XKR9: variants seen among roughly 807,000 people sequenced by gnomAD.
The protein encoded by XKR9 is XK related 9.
XKR9 carries 32 observed loss-of-function variants against 32.0 expected under a neutral mutation model. That is an observed-to-expected ratio of 1.00 (90% confidence interval 0.76 to 1.34). The LOEUF (loss-of-function observed/expected upper bound fraction) is 1.34. XKR9 is among the 40% of genes most tolerant of loss of function. The probability of loss-of-function intolerance (pLI) is 0.00; values close to 1 mark genes in which losing one functional copy is unlikely to be tolerated. For missense variants in XKR9, 546 were observed against 429.7 expected, an observed-to-expected ratio of 1.27 and a Z score of -2.39; for synonymous variants, 168 against 143.4, an observed-to-expected ratio of 1.17 and a Z score of -1.22.
At chr8:70,947,206 A>C in the XKR9 span, among the ~76,000 whole-genome samples, 1 of 152,242 alleles carries the variant, frequency 6.6e-6, no homozygotes, top group Admixed American at 6.5e-5. Flanking sequence ...TCCTGCCTAG[A>C]TGAATAAGGA....
intron 2 of XKR9, among the ~76,000 whole-genome samples, chr8:70,767,643 C>G (rs1807397360): frequency 6.6e-6 from 1 of 151,556 alleles, no homozygotes; most frequent in African/African-American, 2.4e-5. Flanking sequence ...ACTACAGGTG[C>G]CCGCCACCAT....
the XKR9 span, among the ~76,000 whole-genome samples, chr8:71,039,366 C>A: frequency 6.6e-6 from 1 of 152,178 alleles, no homozygotes; most frequent in African/African-American, 2.4e-5. Context: ...ATGCTGAGAA[C>A]ACTTACAGTT....
At chr8:70,778,150 A>C (rs531811994) in intron 2 of XKR9, among the ~76,000 whole-genome samples, 37 of 152,210 alleles carry the variant, frequency 2.4e-4, no homozygotes, top group African/African-American at 7.2e-4. Context: ...AGGAAGGGAT[A>C]CAGTTTCAGC....
chr8:71,050,819 T>A, the XKR9 span, among the ~76,000 whole-genome samples: 1 of 152,190 alleles, frequency 6.6e-6, no homozygotes, highest in East Asian at 1.9e-4. Flanking sequence ...AATTTCATCA[T>A]CCTTTGTGCT....
At chr8:71,004,569 C>G in the XKR9 span, among the ~76,000 whole-genome samples, 2 of 152,190 alleles carry the variant, frequency 1.3e-5, no homozygotes, top group Non-Finnish European at 2.9e-5. Flanking sequence ...GAAACAAGTG[C>G]AAGAGTATGG....
At chr8:70,688,715 CTT>C (rs11450447) in intron 3 of XKR9, among the ~76,000 whole-genome samples, 5 of 144,788 alleles carry the variant, frequency 3.5e-5, no homozygotes, top group Admixed American at 6.9e-5. Context: ...TGTGCCTGTC[CTT>C]TTTTTTTTTT....
chr8:70,714,645 T>C (rs1210067090), intron 4 of XKR9, among the ~76,000 whole-genome samples: 2 of 152,136 alleles, frequency 1.3e-5, no homozygotes, highest in African/African-American at 2.4e-5. Context: ...TCTATCAATT[T>C]CTTTAATAAT....
At chr8:70,774,632 A>G (rs913651463) in intron 2 of XKR9, among the ~76,000 whole-genome samples, 1 of 152,084 alleles carries the variant, frequency 6.6e-6, no homozygotes, top group Non-Finnish European at 1.5e-5. Context: ...ATGGATTTCC[A>G]GTTGTTCCAG....
intron 1 of XKR9, among the ~76,000 whole-genome samples, chr8:70,672,012 G>A (rs1387772571): frequency 1.8e-5 from 1 of 56,550 alleles, no homozygotes; most frequent in African/African-American, 5.1e-5. Flanking sequence ...CAACTTACAA[G>A]GGATGTGAAG....
the XKR9 span, among the ~76,000 whole-genome samples, chr8:70,910,262 T>C: frequency 4.6e-5 from 7 of 152,116 alleles, no homozygotes; most frequent in African/African-American, 1.7e-4. Context: ...CCCAGCTGCC[T>C]CTCTAGTATG....
At chr8:70,703,595 A>G (rs898763980) in intron 3 of XKR9, among the ~76,000 whole-genome samples, 21 of 152,142 alleles carry the variant, frequency 1.4e-4, no homozygotes, top group African/African-American at 5.1e-4. Context: ...AATAGGTTTC[A>G]ACGTATGAAT....
the XKR9 span, among the ~76,000 whole-genome samples, chr8:70,946,730 T>G: frequency 2.0e-5 from 3 of 152,236 alleles, no homozygotes; most frequent in African/African-American, 7.2e-5. Context: ...TGCCTATGAA[T>G]GTCTTCTGCT....
intron 2 of XKR9, among the ~76,000 whole-genome samples, chr8:70,748,578 G>A (rs946108221): frequency 6.6e-6 from 1 of 152,226 alleles, no homozygotes; most frequent in South Asian, 2.1e-4. Context: ...GGGTGGCTCT[G>A]TGCAGGTCTG....
chr8:70,818,196 A>AT, the XKR9 span, among the ~76,000 whole-genome samples: 266 of 147,666 alleles, frequency 1.8e-3, 2 homozygotes, highest in African/African-American at 4.2e-3. Flanking sequence ...TTGTTTATTT[A>AT]TTTTTTTTTT....
chr8:70,773,083 T>C (rs1300465704), intron 2 of XKR9, among the ~76,000 whole-genome samples: 2 of 152,214 alleles, frequency 1.3e-5, no homozygotes, highest in African/African-American at 4.8e-5. Flanking sequence ...GTAGCACAAG[T>C]CTTGTCACTT....
the XKR9 span, among the ~76,000 whole-genome samples, chr8:70,802,363 A>G: frequency 2.6e-5 from 4 of 152,150 alleles, no homozygotes; most frequent in Admixed American, 6.5e-5. Context: ...TTTTGAGCCT[A>G]TAAGTGTCAC....
intron 2 of XKR9, among the ~76,000 whole-genome samples, chr8:70,754,211 T>C (rs13255619): frequency 0.44 from 64,624 of 147,232 alleles, 17,882 homozygotes; most frequent in Non-Finnish European, 0.56. Flanking sequence ...TTACAAGGGA[T>C]GTGAAGGATC....
the XKR9 span, among the ~76,000 whole-genome samples, chr8:71,028,404 T>C: frequency 1.3e-5 from 2 of 152,306 alleles, no homozygotes; most frequent in Non-Finnish European, 2.9e-5. Flanking sequence ...TCCATGATCT[T>C]ACTTATATGT....
chr8:70,751,190 G>A (rs766074522), intron 2 of XKR9, among the ~76,000 whole-genome samples: 11 of 152,234 alleles, frequency 7.2e-5, no homozygotes, highest in African/African-American at 1.4e-4. Flanking sequence ...GTGCAGTGGC[G>A]CGATTCGGCT....
Sources: allele counts gnomAD v4.1 joint callset (sites outside exome capture counted in the v4.1 genomes callset), GRCh38; gene constraint gnomAD v4.1.1; transcripts MANE v1.5; gene names NCBI Gene and HGNC (gene_info 2026-07-23, HGNC 2026-07-21).